The following COL4A6 variants were observed in gnomAD, a reference collection of about 807,000 sequenced individuals.
COL4A6 encodes the protein collagen alpha-6(IV) chain.
Under a neutral mutation model 126.7 loss-of-function variants are expected in COL4A6, and 59 were observed. That is an observed-to-expected ratio of 0.47 (90% CI 0.38 to 0.58). The LOEUF (loss-of-function observed/expected upper bound fraction) is 0.58, where lower values mean the gene tolerates loss of function less well. Among genes scored for constraint, COL4A6 ranks in the 20% least tolerant of loss-of-function variants. COL4A6 has a pLI of 0.00. For synonymous variants in COL4A6, 547 were observed against 496.6 expected (o/e 1.10, Z -1.35); for missense variants, 1,285 against 1,337.3 (o/e 0.96, Z 0.61).
At chrX:108,250,774 C>T (rs1315194112) in intron 3 of COL4A6, among the ~76,000 whole-genome samples, 2 of 111,792 alleles carry the variant, frequency 1.8e-5, no homozygotes, top group Non-Finnish European at 1.9e-5. Context: ...TGTACAGCAA[C>T]CTCTGAGGTC....
chrX:108,251,672 G>A (rs1236410366), intron 3 of COL4A6, among the ~76,000 whole-genome samples: 1 of 111,920 alleles, frequency 8.9e-6, no homozygotes, highest in African/African-American at 3.2e-5. Flanking sequence ...TATAGGAGGA[G>A]AGACAGATAA....
intron 2 of COL4A6, among the ~76,000 whole-genome samples, chrX:108,348,587 AAAAC>A (rs1343187127): frequency 1.8e-5 from 2 of 112,317 alleles, no homozygotes; most frequent in African/African-American, 3.2e-5. Flanking sequence ...AAACAAAATA[AAAAC>A]AAACAACTTC....
At chrX:108,198,022 C>T (rs1362811469) in intron 13 of COL4A6, among the ~76,000 whole-genome samples, 1 of 111,568 alleles carries the variant, frequency 9.0e-6, no homozygotes, top group African/African-American at 3.3e-5. Context: ...TGTCTATTGG[C>T]TTCTGAGGTC....
chrX:108,246,909 T>G (rs2036732295), intron 3 of COL4A6, among the ~76,000 whole-genome samples: 1 of 111,793 alleles, frequency 8.9e-6, no homozygotes, highest in Admixed American at 9.5e-5. Context: ...TGCTGAGTGA[T>G]TAAAAAATGA....
chrX:108,403,617 A>G lies in COL4A6; in HGVS notation c.63+34325T>C, dbSNP rs139454709. Among the ~76,000 whole-genome samples, 52 of 111,092 alleles carry G rather than the reference A, an allele frequency of 4.7e-4. No individual in the cohort carries two copies. In the East Asian group the frequency reaches 8.8e-3, roughly 19 times the overall value. The stretch of plus-strand genomic sequence containing the variant: ...TGCGTTGTTCAATTCTAGAAGTTCC[A>G]TTTAGTTATTTTGCAGATTTCCCTA... On this transcript the variant is annotated intron_variant, in intron 2 of 44. Transcript: ENST00000334504.
At chrX:108,329,296 A>C (rs937542377) in intron 2 of COL4A6, among the ~76,000 whole-genome samples, 2 of 111,891 alleles carry the variant, frequency 1.8e-5, no homozygotes, top group African/African-American at 6.5e-5. Flanking sequence ...ATCATTACAC[A>C]ATTTATATAT....
intron 2 of COL4A6, among the ~76,000 whole-genome samples, chrX:108,400,072 C>G (rs758251402): frequency 9.0e-6 from 1 of 111,517 alleles, no homozygotes; most frequent in African/African-American, 3.2e-5. Flanking sequence ...CAGTACTGAG[C>G]CTCCTTTATT....
rs991785742 is a variant in COL4A6 at position 108,394,940 on chromosome X, A to G, written c.63+43002T>C. Among the ~76,000 whole-genome samples the G allele has an allele frequency of 2.7e-5, 3 of 111,183 alleles. No homozygotes were observed. The South Asian group carries it at 1.2e-3, about 44-fold the overall frequency. On this transcript the variant is annotated intron_variant, in intron 2 of 44. Transcript: ENST00000334504. ...GTTTTATATATTAAGCAGAAGAGTT[A>G]AGTTTTTTTTTTATATTTCATTGAA...
At position 108,187,139 on chromosome X, in the gene COL4A6, G is replaced by T. The variant is rs1264084472; in HGVS notation, c.1908C>A (p.Gly636=). ...CTTGTTGTCCCGGTAATCCATCCTT[G>T]CCTTTATCTCCAGGAAGCCCACGGG... ...PGPRGLPGDK[G]KDGLPGQQGL... Residue 636 remains glycine, a synonymous_variant, in exon 23 of 45, where the codon GGC becomes GGA. Coordinates refer to ENST00000334504, the MANE Select transcript of COL4A6 (RefSeq NM_033641.4). The T allele has an allele frequency of 2.5e-6, 3 of 1,188,292 alleles. No homozygotes were observed. The highest frequency in any genetic ancestry group is 3.4e-6 in the Non-Finnish European group (3 of 882,014).
At chrX:108,431,012 T>C (rs771032035) in intron 2 of COL4A6, among the ~76,000 whole-genome samples, 15 of 111,565 alleles carry the variant, frequency 1.3e-4, no homozygotes, top group Non-Finnish European at 2.1e-4. Context: ...ATAAATTTGA[T>C]AATCATCACT....
chrX:108,271,915 C>T (rs1052719048), intron 3 of COL4A6, among the ~76,000 whole-genome samples: 2 of 112,056 alleles, frequency 1.8e-5, no homozygotes, highest in African/African-American at 6.5e-5. Flanking sequence ...GATGTATTTC[C>T]TGTATTATCC....
At chrX:108,283,586 TTTG>T (rs75463716) in intron 3 of COL4A6, among the ~76,000 whole-genome samples, 1 of 12,937 alleles carries the variant, frequency 7.7e-5, no homozygotes, top group Non-Finnish European at 1.5e-3. Flanking sequence ...AAGTTTTTTT[TTTG>T]GGGGGGGGTT....
rs758755761 is a variant in COL4A6, at chrX:108,159,557, G to A, written c.4717C>T (p.Pro1573Ser). The A allele has an allele frequency of 1.6e-6, 2 of 1,212,317 alleles. No individual in the cohort carries two copies. Among genetic ancestry groups the A allele is most frequent in the East Asian group, 3.0e-5 (1 of 33,873 alleles). ...YISRCSVCEA[P>S]SQAIAVHSQD... is the part of the protein sequence containing the mutation. ...CTGTGCACAGCAATGGCTTGCGAGG[G>A]TGCCTCACACACAGAGCAGCGGCTG... Residue 1573 changes from proline (P) to serine (S), a missense_variant, in exon 44 of 45, where the codon CCC (proline) becomes TCC (serine). By Grantham distance (74) the Pro-to-Ser change is moderately conservative (BLOSUM62 -1). Transcript: ENST00000334504.
At chrX:108,321,192 T>C (rs1465634327) in intron 2 of COL4A6, among the ~76,000 whole-genome samples, 1 of 112,027 alleles carries the variant, frequency 8.9e-6, no homozygotes, top group Non-Finnish European at 1.9e-5. Context: ...GCCTAATAGG[T>C]TCTCATTCAA....
chrX:108,181,077 C>T, intron 23 of COL4A6, 109 bp from the exon 24 acceptor site: 1 of 660,169 alleles, frequency 1.5e-6, no homozygotes, highest in Non-Finnish European at 2.3e-6. Context: ...AAGCTCTTCC[C>T]ACTCAGCAGC....
intron 3 of COL4A6, among the ~76,000 whole-genome samples, chrX:108,283,546 A>T (rs1462856158): frequency 9.6e-6 from 1 of 104,364 alleles, no homozygotes; most frequent in East Asian, 3.1e-4. Context: ...TAAGATGAAC[A>T]TTCTCCTTTG....
At chrX:108,422,733 C>T (rs1176112810) in intron 2 of COL4A6, among the ~76,000 whole-genome samples, 1 of 111,867 alleles carries the variant, frequency 8.9e-6, no homozygotes, top group Non-Finnish European at 1.9e-5. Context: ...CTATCCTAGC[C>T]GTTAGGTTGA....
Position 108,204,362 on chromosome X carries a change from C to T in COL4A6, c.738G>A (p.Glu246=). ...GPAGPPPSTG[E]LEFMGFPKGK... Reference sequence around the variant, plus strand: ...CTTTGGGGAATCCCATGAATTCCAGCTCTCCAGTAGATGGTGGAGGTCCTG... The same window carrying T: ...CTTTGGGGAATCCCATGAATTCCAGTTCTCCAGTAGATGGTGGAGGTCCTG... Residue 246 remains glutamate (E), a synonymous_variant, in exon 12 of 45, where the codon GAG becomes GAA. Coordinates refer to ENST00000334504, the MANE Select transcript of COL4A6 (RefSeq NM_033641.4). The T allele has an allele frequency of 8.3e-7, 1 of 1,204,795 alleles. No homozygotes were observed. The highest frequency in any genetic ancestry group is 1.1e-6 in the Non-Finnish European group (1 of 891,378).
chrX:108,309,164 T>G (rs2078029670), intron 3 of COL4A6, among the ~76,000 whole-genome samples: 1 of 111,593 alleles, frequency 9.0e-6, no homozygotes, highest in Admixed American at 9.5e-5. Context: ...GAGAGATTTT[T>G]GCTTTGTCTA....
Sources: gnomAD v4.1 joint callset for allele counts (sites outside exome capture counted in the v4.1 genomes callset) on GRCh38, gnomAD v4.1.1 for gene constraint, MANE v1.5 for transcripts, NCBI Gene and HGNC (gene_info 2026-07-23, HGNC 2026-07-21) for gene names.